The following PIK3CA variants were observed in gnomAD, a reference collection of about 807,000 sequenced individuals.
The protein encoded by PIK3CA is phosphatidylinositol 4,5-bisphosphate 3-kinase catalytic subunit alpha isoform.
PIK3CA carries 27 observed loss-of-function variants against 138.2 expected under a neutral mutation model. The ratio of observed to expected loss-of-function variants is 0.20; its 90% CI spans 0.14 to 0.27. The LOEUF (loss-of-function observed/expected upper bound fraction) is 0.27, where lower values mean the gene tolerates loss of function less well. Ranked by LOEUF, PIK3CA falls within the 10% of genes least tolerant of loss-of-function variation. PIK3CA has a pLI of 1.00. For synonymous variants in PIK3CA, 358 were observed against 413.2 expected (o/e 0.87, Z 1.62); for missense variants, 544 against 1,277.4 (o/e 0.43, Z 8.75).
chr3:179,158,926 A>G (rs926905343), intron 1 of PIK3CA, among the ~76,000 whole-genome samples: 1 of 151,888 alleles, frequency 6.6e-6, no homozygotes, highest in African/African-American at 2.4e-5. Flanking sequence ...AAATGTATAT[A>G]TGTTCTTGCG....
chr3:179,220,193 G>A lies in PIK3CA; in HGVS notation c.2015+141G>A. 1.2e-6 allele frequency: 1 copy of A among 807,102 alleles called. No homozygotes were observed. Among genetic ancestry groups the A allele is most frequent in the Non-Finnish European group, 1.8e-6 (1 of 567,448 alleles). The allele number at this position is 807,102 out of a possible 1,614,324, so 50.0% of individuals were successfully genotyped here. On this transcript the variant is annotated intron_variant, in intron 13 of 20. Transcript: ENST00000263967. The surrounding 1 kb of genome is among the most constrained non-coding windows in gnomAD (Gnocchi z 4.1). The stretch of plus-strand genomic sequence containing the variant: ...TCCATACTAAAAGTATTTTGTACCA[G>A]TGATGAGCTTCTCAACTTTTGCTCT...
rs529184779 is a variant in PIK3CA at position 179,201,019 on chromosome 3, T to C, written c.563-271T>C. Among the ~76,000 whole-genome samples the C allele has an allele frequency of 3.3e-5, 5 of 152,306 alleles. No homozygotes were observed. In the South Asian group the frequency reaches 6.2e-4, roughly 19 times the overall value. ...TACCCATGAAGTATGTCATACAGTT[T>C]AGAATGGAAATTAGCTTGGTCTCAG... On this transcript the variant is annotated intron_variant, in intron 3 of 20. Transcript: ENST00000263967.
At position 179,220,500 on chromosome 3, in the gene PIK3CA, A is replaced by G. The variant is rs1323199568; in HGVS notation, c.2015+448A>G. Reference sequence around the variant, plus strand: ...GAATGTGATATATGTAGTACTCAAAAGTTACAGGTCATAAACCATATAACT... The same window carrying G: ...GAATGTGATATATGTAGTACTCAAAGGTTACAGGTCATAAACCATATAACT... On this transcript the variant is annotated intron_variant, in intron 13 of 20. Transcript: ENST00000263967. This position sits in a 1 kb window ranked among gnomAD's most constrained non-coding sequence, Gnocchi z 4.1. Among the ~76,000 whole-genome samples, 1 of 152,210 alleles carries G rather than the reference A, an allele frequency of 6.6e-6. No individual in the cohort carries two copies. Among genetic ancestry groups the G allele is most frequent in the East Asian group, 1.9e-4 (1 of 5,204 alleles).
chr3:179,186,719 A>C (rs1024634133), intron 1 of PIK3CA, among the ~76,000 whole-genome samples: 5 of 152,224 alleles, frequency 3.3e-5, no homozygotes, highest in Non-Finnish European at 7.3e-5. Context: ...GAGTTAAACC[A>C]TCAGGACCTT....
intron 3 of PIK3CA, among the ~76,000 whole-genome samples, chr3:179,200,366 G>T (rs1724380110): frequency 6.6e-6 from 1 of 151,882 alleles, no homozygotes; most frequent in African/African-American, 2.4e-5. Context: ...GGAGATTTTT[G>T]ATATTTAATA....
intron 1 of PIK3CA, among the ~76,000 whole-genome samples, chr3:179,171,957 C>T (rs567473747): frequency 2.9e-4 from 44 of 151,972 alleles, no homozygotes; most frequent in African/African-American, 9.4e-4. Context: ...GCCAGTATTC[C>T]TCATAAATGT....
intron 1 of PIK3CA, among the ~76,000 whole-genome samples, chr3:179,189,197 C>T (rs948228159): frequency 1.4e-4 from 22 of 151,908 alleles, no homozygotes; most frequent in African/African-American, 5.3e-4. Context: ...CTGCGTGACA[C>T]AGCAAGACTC....
At chr3:179,205,095 A>G (rs1724525093) in intron 6 of PIK3CA, among the ~76,000 whole-genome samples, 1 of 148,504 alleles carries the variant, frequency 6.7e-6, no homozygotes, top group Non-Finnish European at 1.5e-5. Flanking sequence ...AGTCCCAGCC[A>G]TTAGGGAGGC....
chr3:179,159,723 A>G (rs1723229335), intron 1 of PIK3CA, among the ~76,000 whole-genome samples: 1 of 152,204 alleles, frequency 6.6e-6, no homozygotes. Context: ...GTTGTGAGAA[A>G]TGCATCATTA....
At chr3:179,172,358 G>A (rs1211351320) in intron 1 of PIK3CA, among the ~76,000 whole-genome samples, 1 of 152,004 alleles carries the variant, frequency 6.6e-6, no homozygotes, top group African/African-American at 2.4e-5. Flanking sequence ...CTTTTATTCA[G>A]CATTATCCTG....
rs1250228100 is a variant in PIK3CA at position 179,239,099 on chromosome 3, GA to G, written c.*4742del. ...ACTACATATAAGAGTTTTAGTGGAG[GA>G]AAAAAATTAGTCCCTTGTGCGTATA... On this transcript the variant is annotated 3_prime_UTR_variant, in exon 21 of 21. Transcript: ENST00000263967. 2 of 215,582 alleles carry G rather than the reference GA, an allele frequency of 9.3e-6. No homozygotes were observed. The highest frequency in any genetic ancestry group is 6.9e-5 in the East Asian group (1 of 14,556). The allele number at this position is 215,582 out of a possible 1,614,324, so 13.4% of individuals were successfully genotyped here. A position where few individuals can be genotyped will look rare whatever the true frequency, so the allele number is the denominator to read the frequency against.
chr3:179,189,783 T>G (rs9881887), intron 1 of PIK3CA, among the ~76,000 whole-genome samples: 37,523 of 152,174 alleles, frequency 0.25, 5,671 homozygotes, highest in African/African-American at 0.42. Flanking sequence ...TTTTGCATAC[T>G]AGTGATGAGG....
chr3:179,169,527 G>A (rs1044573272), intron 1 of PIK3CA, among the ~76,000 whole-genome samples: 1 of 151,560 alleles, frequency 6.6e-6, no homozygotes, highest in Non-Finnish European at 1.5e-5. Flanking sequence ...TTTTTTTTCA[G>A]TTCACGTGAC....
chr3:179,203,511 C>A (rs773463783), intron 4 of PIK3CA, 33 bp from the exon 5 acceptor site: 1 of 1,571,880 alleles, frequency 6.4e-7, no homozygotes, highest in Admixed American at 1.9e-5. Flanking sequence ...AAAAACCTTA[C>A]AGGAAATGGC....
chr3:179,210,922 A>T (rs1383513957), intron 9 of PIK3CA, among the ~76,000 whole-genome samples: 1 of 152,252 alleles, frequency 6.6e-6, no homozygotes. Flanking sequence ...ATAAGATTAC[A>T]GTTGACCCTT....
chr3:179,230,911 C>T lies in PIK3CA; in HGVS notation c.2936+535C>T, dbSNP rs376455624. Among the ~76,000 whole-genome samples, 3 of 152,142 alleles carry T rather than the reference C, an allele frequency of 2.0e-5. No homozygotes were observed. Among genetic ancestry groups the T allele is most frequent in the East Asian group, 3.9e-4 (2 of 5,174 alleles). On this transcript the variant is annotated intron_variant, in intron 20 of 20. Transcript: ENST00000263967. This position sits in a 1 kb window ranked among gnomAD's most constrained non-coding sequence, Gnocchi z 5.4. ...ATAGTGGTAAAGTCTGAGATTTTAG[C>T]GCACCTGTAACCCAAGTAGTGTGCT...
chr3:179,160,758 A>G (rs1723257105), intron 1 of PIK3CA, among the ~76,000 whole-genome samples: 1 of 152,246 alleles, frequency 6.6e-6, no homozygotes, highest in Non-Finnish European at 1.5e-5. Context: ...GTGGTATACA[A>G]AAACCACATA....
chr3:179,178,919 G>T (rs1478870709), intron 1 of PIK3CA, among the ~76,000 whole-genome samples: 3 of 152,124 alleles, frequency 2.0e-5, no homozygotes, highest in African/African-American at 7.2e-5. Context: ...GGCTTTTACC[G>T]GGGTCTGATC....
Position 179,219,809 on chromosome 3 carries a change from T to C in PIK3CA, c.1911+74T>C. ...ATTCTAGATCCATACAACTTCCTTT[T>C]AAAAAACCTACTGCACTAACTAGTT... On this transcript the variant is annotated intron_variant, in intron 12 of 20. Coordinates refer to ENST00000263967, the MANE Select transcript of PIK3CA (RefSeq NM_006218.4). This position sits in a 1 kb window ranked among gnomAD's most constrained non-coding sequence, Gnocchi z 4.2. 1 of 1,434,608 alleles carries C rather than the reference T, an allele frequency of 7.0e-7. No individual in the cohort carries two copies. The allele number at this position is 1,434,608 out of a possible 1,614,324, so 88.9% of individuals were successfully genotyped here. A position where few individuals can be genotyped will look rare whatever the true frequency, so the allele number is the denominator to read the frequency against.
Sources: allele counts gnomAD v4.1 joint callset (sites outside exome capture counted in the v4.1 genomes callset), GRCh38; gene constraint gnomAD v4.1.1; non-coding constraint Gnocchi (gnomAD v3.1); transcripts MANE v1.5; gene names NCBI Gene and HGNC (gene_info 2026-07-23, HGNC 2026-07-21).